The following NPR3 variants were observed in gnomAD, a reference collection of about 807,000 sequenced individuals.
NPR3 encodes natriuretic peptide receptor 3.
A neutral mutation model predicts 54.5 loss-of-function variants in NPR3; 34 were observed. That is an observed-to-expected ratio of 0.62 (90% CI 0.47 to 0.83). The LOEUF is 0.83. Ranked by LOEUF, NPR3 falls within the 40% of genes least tolerant of loss-of-function variation. The probability of loss-of-function intolerance (pLI) is 0.00; values close to 1 mark genes in which losing one functional copy is unlikely to be tolerated. For missense variants in NPR3, 674 were observed against 720.8 expected (o/e 0.94, Z 0.74); for synonymous variants, 289 against 297.1 (o/e 0.97, Z 0.28).
At chr5:32,726,024 A>G (rs1263640576) in intron 2 of NPR3, among the ~76,000 whole-genome samples, 9 of 152,258 alleles carry the variant, frequency 5.9e-5, no homozygotes, top group East Asian at 1.9e-4. Context: ...TTCTCCCCCA[A>G]ATGTGGTTAG....
At chr5:32,749,366 A>AT (rs1183637343) in intron 3 of NPR3, among the ~76,000 whole-genome samples, 9 of 151,924 alleles carry the variant, frequency 5.9e-5, no homozygotes, top group African/African-American at 1.5e-4. Flanking sequence ...TTTCAAGTTC[A>AT]TTTTTTTCTA....
At chr5:32,744,974 GGTTATTATTTTT>G (rs1228544647) in intron 3 of NPR3, among the ~76,000 whole-genome samples, 2 of 152,030 alleles carry the variant, frequency 1.3e-5, no homozygotes, top group African/African-American at 4.8e-5. Context: ...TTATTATTAT[GGTTATTATTTTT>G]GTTATTATTG....
intron 7 of NPR3, among the ~76,000 whole-genome samples, chr5:32,785,932 C>T (rs987500059): frequency 6.6e-6 from 1 of 152,176 alleles, no homozygotes; most frequent in Non-Finnish European, 1.5e-5. Context: ...TTATCAAGGG[C>T]ATATCCTGGG....
intron 3 of NPR3, 126 bp downstream of exon 3, chr5:32,739,156 T>C (rs1305814798): frequency 1.1e-6 from 1 of 875,880 alleles, no homozygotes; most frequent in East Asian, 2.6e-5. Flanking sequence ...TGAATGTCAC[T>C]GTTGCCTTCT....
intron 3 of NPR3, among the ~76,000 whole-genome samples, chr5:32,762,089 A>T (rs1293200638): frequency 6.6e-6 from 1 of 152,142 alleles, no homozygotes; most frequent in Non-Finnish European, 1.5e-5. Flanking sequence ...GATGCTTCCC[A>T]GCTTCATCCA....
At chr5:32,699,720 T>C (rs111624946) in intron 1 of NPR3, among the ~76,000 whole-genome samples, 43 of 152,366 alleles carry the variant, frequency 2.8e-4, no homozygotes, top group African/African-American at 9.4e-4. Flanking sequence ...ATGAGTAGTT[T>C]ACACACCACA....
chr5:32,709,086 A>G (rs1738078752), upstream of NPR3, among the ~76,000 whole-genome samples: 1 of 152,050 alleles, frequency 6.6e-6, no homozygotes, highest in Non-Finnish European at 1.5e-5. Context: ...CTGCTGTTGA[A>G]CTGCAGGCGA....
chr5:32,730,166 G>A (rs562730767), intron 2 of NPR3, among the ~76,000 whole-genome samples: 2 of 150,770 alleles, frequency 1.3e-5, no homozygotes, highest in African/African-American at 4.9e-5. Context: ...TATTTGAAAA[G>A]CAATCAACTT....
chr5:32,721,763 T>A (rs1026958520), intron 1 of NPR3, among the ~76,000 whole-genome samples: 3 of 152,146 alleles, frequency 2.0e-5, no homozygotes, highest in African/African-American at 7.2e-5. Flanking sequence ...TATGACAAAA[T>A]GCCACAGACT....
intron 3 of NPR3, among the ~76,000 whole-genome samples, chr5:32,763,324 A>T (rs1310920009): frequency 6.6e-6 from 1 of 151,730 alleles, no homozygotes; most frequent in Non-Finnish European, 1.5e-5. Flanking sequence ...TTATTTATTT[A>T]CTTTTTGAGA....
At chr5:32,737,749 T>C (rs968439388) in intron 2 of NPR3, among the ~76,000 whole-genome samples, 1 of 152,196 alleles carries the variant, frequency 6.6e-6, no homozygotes, top group African/African-American at 2.4e-5. Context: ...TTCTTATTCA[T>C]GTAATTTTTT....
At chr5:32,695,413 C>T (rs961400267) in intron 1 of NPR3, among the ~76,000 whole-genome samples, 8 of 152,130 alleles carry the variant, frequency 5.3e-5, no homozygotes, top group Admixed American at 3.9e-4. Flanking sequence ...TACAGGTGCC[C>T]GCCACCACGC....
At chr5:32,729,276 A>G (rs817905) in intron 2 of NPR3, among the ~76,000 whole-genome samples, 60,241 of 151,466 alleles carry the variant, frequency 0.4, 13,279 homozygotes, top group African/African-American at 0.59. Flanking sequence ...TGATCCGCCC[A>G]CCTCGGCCTC....
intron 3 of NPR3, among the ~76,000 whole-genome samples, chr5:32,764,554 G>A (rs568072279): frequency 6.6e-6 from 1 of 152,046 alleles, no homozygotes; most frequent in East Asian, 1.9e-4. Flanking sequence ...TTGGGAGGCC[G>A]AGGCGGGTGG....
chr5:32,709,916 C>G (rs1738123982), upstream of NPR3: 1 of 152,160 alleles, frequency 6.6e-6, no homozygotes, highest in Non-Finnish European at 1.5e-5. Context: ...AAGAGGGCGT[C>G]GGTCTGAGAC....
Position 32,791,329 on chromosome 5 carries a change from C to T in NPR3, c.*4984C>T, listed in dbSNP as rs950657048. Reference sequence around the variant, plus strand: ...CTTGTGACAGACCAATTCTGTGACCCCTGTCTTCTGGGTCACATTATTCAT... The same window carrying T: ...CTTGTGACAGACCAATTCTGTGACCTCTGTCTTCTGGGTCACATTATTCAT... On this transcript the variant is annotated 3_prime_UTR_variant, in exon 8 of 8. Transcript: ENST00000265074. 1.2e-5 allele frequency: 2 copies of T among 167,018 alleles called. No homozygotes were observed. The highest frequency in any genetic ancestry group is 4.8e-5 in the African/African-American group (2 of 41,436). The allele number at this position is 167,018 out of a possible 1,614,324, so 10.3% of individuals were successfully genotyped here. A position where few individuals can be genotyped will look rare whatever the true frequency, so the allele number is the denominator to read the frequency against.
At chr5:32,740,357 T>C (rs1739974393) in intron 3 of NPR3, among the ~76,000 whole-genome samples, 1 of 152,218 alleles carries the variant, frequency 6.6e-6, no homozygotes, top group Non-Finnish European at 1.5e-5. Context: ...TAGAAAAAAA[T>C]AAACTGTACC....
At chr5:32,777,502 A>G (rs1318278455) in intron 4 of NPR3, among the ~76,000 whole-genome samples, 4 of 152,216 alleles carry the variant, frequency 2.6e-5, no homozygotes, top group African/African-American at 9.6e-5. Flanking sequence ...ATCTATTTGT[A>G]ATCCAACTAG....
chr5:32,774,959 C>T (rs915231362), intron 4 of NPR3, 116 bp downstream of exon 4: 1 of 779,102 alleles, frequency 1.3e-6, no homozygotes, highest in South Asian at 1.6e-5. Flanking sequence ...TTTCTCAGCT[C>T]TAAAGCAGCC....
Sources: gnomAD v4.1 joint callset for allele counts (sites outside exome capture counted in the v4.1 genomes callset) on GRCh38, gnomAD v4.1.1 for gene constraint, MANE v1.5 for transcripts, NCBI Gene and HGNC (gene_info 2026-07-23, HGNC 2026-07-21) for gene names.